The following TARBP1 variants were observed in gnomAD, a reference collection of about 807,000 sequenced individuals.
TARBP1 encodes the protein tRNA guanosine 2 -O-methyltransferase TARBP1.
A neutral mutation model predicts 178.6 loss-of-function variants in TARBP1; 144 were observed. The ratio of observed to expected loss-of-function variants is 0.81; its 90% CI spans 0.70 to 0.93. TARBP1 has a LOEUF of 0.93. TARBP1 is among the 40% of genes least tolerant of loss of function. The pLI is 0.00. For missense variants in TARBP1, 2,067 were observed against 2,011.7 expected, an observed-to-expected ratio of 1.03 and a Z score of -0.53; for synonymous variants, 787 against 781.0, an observed-to-expected ratio of 1.01 and a Z score of -0.13.
intron 17 of TARBP1, among the ~76,000 whole-genome samples, chr1:234,428,805 C>CAA (rs1241942020): frequency 6.6e-6 from 1 of 152,202 alleles, no homozygotes; most frequent in African/African-American, 2.4e-5. Flanking sequence ...CTCAGCCTCT[C>CAA]AAAGTGGTGG....
chr1:234,391,860 T>C (rs968972736), intron 29 of TARBP1, 115 bp from the exon 30 acceptor site: 89 of 1,124,798 alleles, frequency 7.9e-5, no homozygotes, highest in Middle Eastern at 2.9e-4. Flanking sequence ...TTCTGAATGT[T>C]ACTAAAAGAA....
At chr1:234,476,691 T>C (rs555715553) in intron 1 of TARBP1, among the ~76,000 whole-genome samples, 1 of 152,326 alleles carries the variant, frequency 6.6e-6, no homozygotes, top group South Asian at 2.1e-4. Context: ...TTTACAGTCA[T>C]AATTTTATAA....
intron 12 of TARBP1, among the ~76,000 whole-genome samples, chr1:234,439,769 T>C (rs1263261754): frequency 6.6e-6 from 1 of 152,154 alleles, no homozygotes; most frequent in Non-Finnish European, 1.5e-5. Context: ...GAGGTTGCAG[T>C]GAGCCAAGAT....
intron 12 of TARBP1, among the ~76,000 whole-genome samples, chr1:234,442,142 TA>T (rs1665659518): frequency 6.6e-6 from 1 of 152,040 alleles, no homozygotes; most frequent in Non-Finnish European, 1.5e-5. Flanking sequence ...AGTAAAATAA[TA>T]AACGAAGGAG....
chr1:234,431,884 T>A (rs986522754), intron 14 of TARBP1, among the ~76,000 whole-genome samples: 1 of 152,280 alleles, frequency 6.6e-6, no homozygotes, highest in African/African-American at 2.4e-5. Flanking sequence ...ACGCCTGTAA[T>A]CCCAGCACTT....
chr1:234,445,609 C>T (rs1558218510), intron 12 of TARBP1, among the ~76,000 whole-genome samples: 1 of 152,048 alleles, frequency 6.6e-6, no homozygotes, highest in Non-Finnish European at 1.5e-5. Context: ...GTCAATTATA[C>T]CTCAATAAAG....
chr1:234,422,071 T>C (rs964692823), intron 20 of TARBP1, among the ~76,000 whole-genome samples: 6 of 152,256 alleles, frequency 3.9e-5, no homozygotes, highest in Non-Finnish European at 8.8e-5. Context: ...TTTCACATAC[T>C]GCTCAACCTC....
chr1:234,395,187 T>G (rs933049506), intron 26 of TARBP1, among the ~76,000 whole-genome samples: 4 of 152,086 alleles, frequency 2.6e-5, no homozygotes, highest in Non-Finnish European at 5.9e-5. Flanking sequence ...TCGTGCCACT[T>G]CACTCCAGCC....
rs563481719 is a variant in TARBP1 at position 234,429,523 on chromosome 1, C to T, written c.2764G>A (p.Val922Ile). 39 of 1,614,094 alleles carry T rather than the reference C, an allele frequency of 2.4e-5. No homozygotes were observed. The Admixed American group carries it at 2.5e-4, about 10-fold the overall frequency. ...SEILEPFLPA[V>I]QMPIRTLQSA... is the part of the protein sequence containing the mutation. ...TGCAAAGTCCTTATTGGCATCTGAA[C>T]GGCAGGTAGAAACGGTTCCAGAATT... The change falls in exon 16 of 30, where the codon GTT becomes ATT. Residue 922 changes from valine (V) to isoleucine (I), a missense_variant. By Grantham distance (29) the Val-to-Ile change is conservative. Transcript: ENST00000040877.
At chr1:234,477,991 C>A (rs1183756722) in intron 1 of TARBP1, among the ~76,000 whole-genome samples, 182 bp downstream of exon 1, 1 of 152,160 alleles carries the variant, frequency 6.6e-6, no homozygotes, top group African/African-American at 2.4e-5. Flanking sequence ...TTTGTGACTT[C>A]AAAGAACACC....
At chr1:234,452,242 C>G (rs1666859782) in intron 9 of TARBP1, among the ~76,000 whole-genome samples, 1 of 152,046 alleles carries the variant, frequency 6.6e-6, no homozygotes, top group Admixed American at 6.5e-5. Flanking sequence ...CATTACAATA[C>G]AAGTCTCAAA....
At chr1:234,443,297 A>G (rs1665788971) in intron 12 of TARBP1, among the ~76,000 whole-genome samples, 1 of 152,010 alleles carries the variant, frequency 6.6e-6, no homozygotes, top group Admixed American at 6.6e-5. Flanking sequence ...TCTCAAAAAA[A>G]AAAAAAAAAA....
chr1:234,398,495 A>G lies in TARBP1; in HGVS notation c.4130T>C (p.Ile1377Thr), dbSNP rs138599154. ...SGLIEDEWITIDKFTRFTDVP... is the reference protein window; with the variant it reads ...SGLIEDEWITTDKFTRFTDVP... The stretch of plus-strand genomic sequence containing the variant: ...ATCAGTGAATCTGGTAAATTTATCA[A>G]TGGTGATCCATTCATCTTCAATAAG... Residue 1377 changes from isoleucine to threonine, a missense_variant, in exon 26 of 30, where the codon ATT (isoleucine) becomes ACT (threonine). Coordinates refer to ENST00000040877, the MANE Select transcript of TARBP1 (RefSeq NM_005646.4). The G allele has an allele frequency of 1.6e-4, 259 of 1,610,668 alleles. 1 individual carries two copies. The Middle Eastern group carries it at 2.1e-3, about 13-fold the overall frequency.
Position 234,393,742 on chromosome 1 carries a change from C to A in TARBP1, c.4339G>T (p.Glu1447Ter). ...GCAGCACGATCCTGAAACAGGAGCT[C>A]CAGGTCTAAGTCGGAAACACGACTG... ...WNSRVSDLDL[E>*]LLFQDRAARL... Residue 1447 changes from glutamate (E) to a stop codon, truncating the protein, a stop_gained, in exon 27 of 30, where the codon GAG (glutamate) becomes TAG (stop). Transcript: ENST00000040877. LOFTEE classifies it high-confidence loss of function. 6.2e-7 allele frequency: 1 copy of A among 1,613,912 alleles called. No individual in the cohort carries two copies. The highest frequency in any genetic ancestry group is 1.3e-5 in the African/African-American group (1 of 75,010).
chr1:234,427,918 A>C (rs542750146), intron 17 of TARBP1, 152 bp from the exon 18 acceptor site: 1 of 451,408 alleles, frequency 2.2e-6, no homozygotes, highest in East Asian at 3.6e-5. Flanking sequence ...GATGATCAAT[A>C]ATCAGAGAAT....
At chr1:234,476,698 A>G (rs895703682) in intron 1 of TARBP1, among the ~76,000 whole-genome samples, 1 of 152,256 alleles carries the variant, frequency 6.6e-6, no homozygotes, top group African/African-American at 2.4e-5. Context: ...TCATAATTTT[A>G]TAAATGCTGA....
rs1459819097 is a variant in TARBP1 at position 234,406,107 on chromosome 1, G to C, written c.3793-8C>G. The stretch of plus-strand genomic sequence containing the variant: ...TTGCTTCAGAATTAGTTTCTGAAAA[G>C]AAAGGCAAAAAATTCCTCAAAACAC... On this transcript the variant is annotated splice_polypyrimidine_tract_variant and splice_region_variant and intron_variant, in intron 23 of 29. Coordinates refer to ENST00000040877, the MANE Select transcript of TARBP1 (RefSeq NM_005646.4). 2.5e-6 allele frequency: 4 copies of C among 1,610,862 alleles called. No individual in the cohort carries two copies. In the Admixed American group the frequency reaches 6.8e-5, roughly 27 times the overall value.
chr1:234,439,320 A>T (rs1171371013), intron 12 of TARBP1, among the ~76,000 whole-genome samples: 1 of 152,210 alleles, frequency 6.6e-6, no homozygotes, highest in Non-Finnish European at 1.5e-5. Flanking sequence ...ATGTAAATAT[A>T]AGACAACTAC....
Position 234,450,416 on chromosome 1 carries a change from T to C in TARBP1, c.1861+12A>G, listed in dbSNP as rs755615605. On this transcript the variant is annotated intron_variant, in intron 10 of 29. Coordinates refer to ENST00000040877, the MANE Select transcript of TARBP1 (RefSeq NM_005646.4). ...TGGTTATATCAATCCATAAAAATGATTGCAGACTTACTTTCCCAAGCAGAT... is the reference window on the plus strand; with the variant it reads ...TGGTTATATCAATCCATAAAAATGACTGCAGACTTACTTTCCCAAGCAGAT... 22 of 1,556,854 alleles carry C rather than the reference T, an allele frequency of 1.4e-5. No individual in the cohort carries two copies. In the East Asian group the frequency reaches 2.2e-4, roughly 15 times the overall value.
Sources: gnomAD v4.1 joint callset for allele counts (sites outside exome capture counted in the v4.1 genomes callset) on GRCh38, gnomAD v4.1.1 for gene constraint, MANE v1.5 for transcripts, NCBI Gene and HGNC (gene_info 2026-07-23, HGNC 2026-07-21) for gene names.